The following MAPK8IP1 variants were observed in gnomAD, a reference collection of about 807,000 sequenced individuals.
MAPK8IP1 encodes the protein C-Jun-amino-terminal kinase-interacting protein 1.
In MAPK8IP1, 17 loss-of-function variants were observed where a neutral mutation model predicts 72.6. The ratio of observed to expected loss-of-function variants is 0.23; its 90% CI spans 0.16 to 0.35. MAPK8IP1 has a LOEUF of 0.35. Among genes scored for constraint, MAPK8IP1 ranks in the 10% least tolerant of loss-of-function variants. The pLI is 1.00. For missense variants in MAPK8IP1, 789 were observed against 1,009.7 expected, an observed-to-expected ratio of 0.78 and a Z score of 2.96; for synonymous variants, 401 against 443.4, an observed-to-expected ratio of 0.90 and a Z score of 1.20.
At chr11:45,890,918 G>T (rs963884334) in intron 1 of MAPK8IP1, among the ~76,000 whole-genome samples, 7 of 152,208 alleles carry the variant, frequency 4.6e-5, no homozygotes, top group African/African-American at 7.2e-5. Context: ...GGACATCACT[G>T]TCCAGGGAGA....
chr11:45,899,513 C>G (rs2086633293), intron 2 of MAPK8IP1, among the ~76,000 whole-genome samples: 1 of 152,138 alleles, frequency 6.6e-6, no homozygotes, highest in Non-Finnish European at 1.5e-5. Context: ...GGCGGCAGAA[C>G]TGGAGCTAGA....
chr11:45,901,940 T>C, intron 3 of MAPK8IP1, 40 bp from the exon 4 acceptor site: 2 of 1,532,966 alleles, frequency 1.3e-6, no homozygotes, highest in Non-Finnish European at 1.8e-6. Context: ...CGGGCACTGT[T>C]GACCACTTCC....
chr11:45,891,483 G>A (rs991356357), intron 1 of MAPK8IP1, among the ~76,000 whole-genome samples: 2 of 152,186 alleles, frequency 1.3e-5, no homozygotes, highest in African/African-American at 4.8e-5. Context: ...CAAAGGTGGG[G>A]AGTCAGTGCC....
At chr11:45,886,423 TGGCCG>T (rs998731848) in intron 1 of MAPK8IP1, among the ~76,000 whole-genome samples, 1 of 152,200 alleles carries the variant, frequency 6.6e-6, no homozygotes, top group Non-Finnish European at 1.5e-5. Flanking sequence ...AGGCCTGGCG[TGGCCG>T]GGCCCCTCTC....
In MAPK8IP1 at chr11:45,902,722, C is replaced by T. The variant is rs755096743; in HGVS notation, c.955C>T (p.Pro319Ser). 1 of 1,607,990 alleles carries T rather than the reference C, an allele frequency of 6.2e-7. No individual in the cohort carries two copies. Among genetic ancestry groups the T allele is most frequent in the East Asian group, 2.2e-5 (1 of 44,860 alleles). ...CTCCGATCCAGACCCTGCCGCCTACCCCTCCACGGCAGGGCGGCCGCACCC... is the reference window on the plus strand; with the variant it reads ...CTCCGATCCAGACCCTGCCGCCTACTCCTCCACGGCAGGGCGGCCGCACCC... ...VSSDPDPAAYPSTAGRPHPSI... is the reference protein window; with the variant it reads ...VSSDPDPAAYSSTAGRPHPSI... Residue 319 changes from proline (P) to serine (S), a missense_variant, in exon 5 of 12, where the codon CCC (proline) becomes TCC (serine). Physicochemically the swap from Pro to Ser is moderately conservative, Grantham distance 74. This residue lies in a region of MAPK8IP1 where 377 missense variants were observed against 411.7 expected (regional missense o/e 0.92). Transcript: ENST00000241014. This position sits in a 1 kb window ranked among gnomAD's most constrained non-coding sequence, Gnocchi z 9.3.
In MAPK8IP1 at chr11:45,898,082, C is replaced by T; in HGVS notation, c.102-3C>T. The T allele has an allele frequency of 1.2e-6, 2 of 1,607,498 alleles. No individual in the cohort carries two copies. The highest frequency in any genetic ancestry group is 1.7e-6 in the Non-Finnish European group (2 of 1,174,332). ...TGTAACTTTGGCTTCCTGTCCCCAC[C>T]AGGCTCACCCATGACATCAGCCTGG... On this transcript the variant is annotated splice_region_variant and splice_polypyrimidine_tract_variant and intron_variant, in intron 1 of 11. Transcript: ENST00000241014.
chr11:45,905,185 C>T lies in MAPK8IP1; in HGVS notation c.1999C>T (p.His667Tyr). ...FGFITKHPAD[H>Y]RFACHVFVSE... Reference sequence around the variant, plus strand: ...GTTCATCACCAAGCACCCCGCCGACCACCGGTTTGCCTGCCACGTCTTTGT... The same window carrying T: ...GTTCATCACCAAGCACCCCGCCGACTACCGGTTTGCCTGCCACGTCTTTGT... The change falls in exon 11 of 12, where the codon CAC becomes TAC. Residue 667 changes from histidine (H) to tyrosine (Y), a missense_variant. Transcript: ENST00000241014. 1 of 1,613,394 alleles carries T rather than the reference C, an allele frequency of 6.2e-7. No homozygotes were observed. The highest frequency in any genetic ancestry group is 1.7e-4 in the Middle Eastern group (1 of 5,774).
chr11:45,901,752 G>A (rs1230229693), intron 3 of MAPK8IP1, among the ~76,000 whole-genome samples: 1 of 152,198 alleles, frequency 6.6e-6, no homozygotes, highest in Non-Finnish European at 1.5e-5. Context: ...GGGTTGGCCA[G>A]CTTCCCTGAG....
Position 45,906,203 on chromosome 11 carries a change from G to A in MAPK8IP1, c.*482G>A, listed in dbSNP as rs1304669148. The stretch of plus-strand genomic sequence containing the variant: ...AGGCTGAGCCCAGCCACCTCCCAAG[G>A]ACTTTCCAGTGAGGAAATGGCAACA... On this transcript the variant is annotated 3_prime_UTR_variant, in exon 12 of 12. Coordinates refer to ENST00000241014, the MANE Select transcript of MAPK8IP1 (RefSeq NM_005456.4). 2 of 299,746 alleles carry A rather than the reference G, an allele frequency of 6.7e-6. No homozygotes were observed. The highest frequency in any genetic ancestry group is 1.2e-5 in the Non-Finnish European group (2 of 160,658). The allele number at this position is 299,746 out of a possible 1,614,324, so 18.6% of individuals were successfully genotyped here.
intron 3 of MAPK8IP1, among the ~76,000 whole-genome samples, chr11:45,901,406 G>A (rs1365729213): frequency 6.6e-6 from 1 of 152,080 alleles, no homozygotes; most frequent in Admixed American, 6.5e-5. Flanking sequence ...GGGGGTGCAG[G>A]AAAACTCTGT....
Position 45,906,075 on chromosome 11 carries a change from C to T in MAPK8IP1, c.*354C>T. The T allele has an allele frequency of 2.2e-6, 1 of 458,898 alleles. No individual in the cohort carries two copies. Among genetic ancestry groups the T allele is most frequent in the Non-Finnish European group, 4.0e-6 (1 of 250,714 alleles). The allele number at this position is 458,898 out of a possible 1,614,324, so 28.4% of individuals were successfully genotyped here. Reference sequence around the variant, plus strand: ...CCCTGCCAGGGCTCGGGCGCTGTGGCTCCTGCCTTGATGAAGCCCGTGTCC... The same window carrying T: ...CCCTGCCAGGGCTCGGGCGCTGTGGTTCCTGCCTTGATGAAGCCCGTGTCC... On this transcript the variant is annotated 3_prime_UTR_variant, in exon 12 of 12. Transcript: ENST00000241014.
intron 3 of MAPK8IP1, among the ~76,000 whole-genome samples, chr11:45,901,192 T>C (rs2086650689): frequency 6.6e-6 from 1 of 152,004 alleles, no homozygotes; most frequent in Non-Finnish European, 1.5e-5. Context: ...TGTGAATGGC[T>C]TTTGGCAGCC....
Position 45,905,764 on chromosome 11 carries a change from T to C in MAPK8IP1, c.*43T>C. ...CTGCGTCCCCCAGCCCTCAGGCCAG[T>C]GCCAGGACAGCTGGCTGCTGACAGG... is the stretch of plus-strand genomic sequence containing the variant. On this transcript the variant is annotated 3_prime_UTR_variant, in exon 12 of 12. Transcript: ENST00000241014. The C allele has an allele frequency of 1.3e-6, 2 of 1,572,100 alleles. No homozygotes were observed. The highest frequency in any genetic ancestry group is 1.7e-6 in the Non-Finnish European group (2 of 1,144,464).
At chr11:45,886,033 G>A (rs894321742) in intron 1 of MAPK8IP1, 112 bp downstream of exon 1, 2 of 612,408 alleles carry the variant, frequency 3.3e-6, no homozygotes, top group Admixed American at 4.2e-5. Flanking sequence ...CGAAAGGGCT[G>A]CGTGGGAGTG....
At chr11:45,905,384 C>G (rs758920875) in intron 11 of MAPK8IP1, 135 bp downstream of exon 11, 1 of 909,284 alleles carries the variant, frequency 1.1e-6, no homozygotes, top group African/African-American at 1.6e-5. Flanking sequence ...GACCCCAGTG[C>G]GGGTGGCCTG....
At chr11:45,895,858 C>A (rs1159645096) in intron 1 of MAPK8IP1, among the ~76,000 whole-genome samples, 4 of 152,042 alleles carry the variant, frequency 2.6e-5, no homozygotes, top group African/African-American at 4.8e-5. Flanking sequence ...GCCTGAGATG[C>A]CACCCTGCCC....
rs554407158 is a variant in MAPK8IP1, at chr11:45,901,786, C to T, written c.523-194C>T. On this transcript the variant is annotated intron_variant, in intron 3 of 11. Coordinates refer to ENST00000241014, the MANE Select transcript of MAPK8IP1 (RefSeq NM_005456.4). ...AGCAAGGCGGAGGGCCATCCAGAGCCGGCAAGCCTGGCTGTGACTTGCCAC... is the reference window on the plus strand; with the variant it reads ...AGCAAGGCGGAGGGCCATCCAGAGCTGGCAAGCCTGGCTGTGACTTGCCAC... 95 of 714,466 alleles carry T rather than the reference C, an allele frequency of 1.3e-4. 1 individual carries two copies. Among genetic ancestry groups the T allele is most frequent in the South Asian group, 4.0e-4 (26 of 64,938 alleles). 44.3% of individuals were successfully genotyped at this position (714,466 alleles called of 1,614,324 possible).
rs1354891414 is a variant in MAPK8IP1, at chr11:45,885,702, C to G, written c.-119C>G. ...TGCCGCGCCCTGCCAGACACAGGTG[C>G]GCCCGCCTAGCCCGAACTCCGCGGC... On this transcript the variant is annotated 5_prime_UTR_variant, in exon 1 of 12. Coordinates refer to ENST00000241014, the MANE Select transcript of MAPK8IP1 (RefSeq NM_005456.4). The G allele has an allele frequency of 2.2e-6, 1 of 461,562 alleles. No individual in the cohort carries two copies. The highest frequency in any genetic ancestry group is 3.5e-6 in the Non-Finnish European group (1 of 281,796). The allele number at this position is 461,562 out of a possible 1,614,324, so 28.6% of individuals were successfully genotyped here. A position where few individuals can be genotyped will look rare whatever the true frequency, so the allele number is the denominator to read the frequency against.
In MAPK8IP1 at chr11:45,903,293, G is replaced by A. The variant is rs2086672430; in HGVS notation, c.1418-72G>A. ...CCAGGCCCCATCTGGTTAGGACTGA[G>A]GCTTCTACCTGCCCCGCTAAACCTG... On this transcript the variant is annotated intron_variant, in intron 5 of 11. Coordinates refer to ENST00000241014, the MANE Select transcript of MAPK8IP1 (RefSeq NM_005456.4). This position sits in a 1 kb window ranked among gnomAD's most constrained non-coding sequence, Gnocchi z 6.4. The A allele has an allele frequency of 6.3e-7, 1 of 1,588,632 alleles. No individual in the cohort carries two copies. The highest frequency in any genetic ancestry group is 1.3e-5 in the African/African-American group (1 of 74,394).
Sources: gnomAD v4.1 joint callset for allele counts (sites outside exome capture counted in the v4.1 genomes callset) on GRCh38, gnomAD v4.1.1 for gene constraint, gnomAD v4.1.1 regional missense constraint, Gnocchi (gnomAD v3.1) non-coding constraint, MANE v1.5 for transcripts, NCBI Gene and HGNC (gene_info 2026-07-23, HGNC 2026-07-21) for gene names.